The following ABLIM3 variants were observed in gnomAD, a reference collection of about 807,000 sequenced individuals.
The protein encoded by ABLIM3 is actin-binding LIM protein 3.
ABLIM3 carries 61 observed loss-of-function variants against 109.5 expected under a neutral mutation model. The observed-to-expected ratio is 0.56, with a 90% CI of 0.45 to 0.69. ABLIM3 has a LOEUF of 0.69. Among genes scored for constraint, ABLIM3 ranks in the 30% least tolerant of loss-of-function variants. The probability of loss-of-function intolerance (pLI) is 0.00; values close to 1 mark genes in which losing one functional copy is unlikely to be tolerated. For synonymous variants in ABLIM3, 300 were observed against 324.8 expected (o/e 0.92, Z 0.82); for missense variants, 796 against 889.5 (o/e 0.89, Z 1.34).
intron 14 of ABLIM3, among the ~76,000 whole-genome samples, chr5:149,241,837 T>C (rs1007626541): frequency 6.6e-6 from 1 of 152,184 alleles, no homozygotes; most frequent in African/African-American, 2.4e-5. Flanking sequence ...AGCACTATCA[T>C]GTCATGTGAC....
Position 149,227,479 on chromosome 5 carries a change from GTTTC to G in ABLIM3, c.758-3166_758-3163del, listed in dbSNP as rs1761428345. On this transcript the variant is annotated intron_variant, in intron 8 of 23. Coordinates refer to ENST00000309868, the MANE Select transcript of ABLIM3 (RefSeq NM_014945.5). ...GCTAGAGCTCTGCCTTATAAAATTG[GTTTC>G]TTTATCACATAACATTCCAAGAAAA... Among the ~76,000 whole-genome samples, 3 of 152,246 alleles carry G rather than the reference GTTTC, an allele frequency of 2.0e-5. No individual in the cohort carries two copies. The South Asian group carries it at 6.2e-4, about 32-fold the overall frequency.
chr5:149,170,337 G>A (rs1561548892), intron 2 of ABLIM3, among the ~76,000 whole-genome samples: 2 of 151,528 alleles, frequency 1.3e-5, no homozygotes, highest in Non-Finnish European at 1.5e-5. Flanking sequence ...TGGCAAAGGA[G>A]CCCCAGACTA....
intron 8 of ABLIM3, chr5:149,218,238 A>G (rs1018225619): frequency 6.6e-6 from 1 of 152,258 alleles, no homozygotes; most frequent in African/African-American, 2.4e-5. Flanking sequence ...TAGATTTGGT[A>G]TCTGATGTGG....
chr5:149,146,179 G>C (rs1460056609), intron 2 of ABLIM3, among the ~76,000 whole-genome samples: 2 of 152,096 alleles, frequency 1.3e-5, no homozygotes, highest in African/African-American at 4.8e-5. Context: ...TTTGCTTGTT[G>C]AATTGTTTAA....
At chr5:149,158,444 A>G (rs1334781990) in intron 2 of ABLIM3, among the ~76,000 whole-genome samples, 1 of 152,238 alleles carries the variant, frequency 6.6e-6, no homozygotes, top group African/African-American at 2.4e-5. Context: ...TTTATGTTAA[A>G]AAAGGAATCC....
At chr5:149,196,019 A>G (rs1459394257) in intron 3 of ABLIM3, among the ~76,000 whole-genome samples, 1 of 152,222 alleles carries the variant, frequency 6.6e-6, no homozygotes, top group Admixed American at 6.5e-5. Flanking sequence ...TCTGCGTACA[A>G]GTGAACAGAG....
Position 149,246,544 on chromosome 5 carries a change from A to G in ABLIM3, c.1549A>G (p.Lys517Glu). Reference sequence around the variant, plus strand: ...GGATGATTTTGACCGCAGCATGCACAAGGTGGGCAGAGACCACAGCACTGA... The same window carrying G: ...GGATGATTTTGACCGCAGCATGCACGAGGTGGGCAGAGACCACAGCACTGA... The part of the protein sequence containing the change: ...EEDDFDRSMH[K>E]LQSGIGRLIL... The change falls in exon 17 of 24, where the codon AAG (lysine) becomes GAG (glutamate). Residue 517 changes from lysine (K) to glutamate (E), a missense_variant and splice_region_variant. Lys to Glu is a moderately conservative substitution (Grantham distance 56). Transcript: ENST00000309868. 13 of 1,614,156 alleles carry G rather than the reference A, an allele frequency of 8.1e-6. No homozygotes were observed. Among genetic ancestry groups the G allele is most frequent in the Non-Finnish European group, 1.1e-5 (13 of 1,180,016 alleles).
intron 2 of ABLIM3, among the ~76,000 whole-genome samples, chr5:149,178,600 G>T (rs1230117631): frequency 6.6e-6 from 1 of 152,172 alleles, no homozygotes; most frequent in Admixed American, 6.5e-5. Context: ...TTATCTACAA[G>T]GTCAAGCGAC....
chr5:149,173,758 AC>A (rs1755660083), intron 2 of ABLIM3, among the ~76,000 whole-genome samples: 1 of 152,168 alleles, frequency 6.6e-6, no homozygotes, highest in African/African-American at 2.4e-5. Flanking sequence ...GCGGTGGCTC[AC>A]GCCTGTAATC....
rs1752731132 is a variant in ABLIM3 at position 149,240,697 on chromosome 5, C to T, written c.1226C>T (p.Ser409Phe). ...YRSGPESGRS[S>F]PYHSQLDVRS... ...CCAGGGCCCGAGAGTGGCCGGAGCT[C>T]TCCATACCATAGCCAGTTAGATGTG... Residue 409 changes from serine (S) to phenylalanine (F), a missense_variant, in exon 14 of 24, where the codon TCT becomes TTT. Physicochemically the swap from Ser to Phe is radical, Grantham distance 155 (BLOSUM62 -2). Coordinates refer to ENST00000309868, the MANE Select transcript of ABLIM3 (RefSeq NM_014945.5). 2 of 1,614,170 alleles carry T rather than the reference C, an allele frequency of 1.2e-6. No homozygotes were observed. Among genetic ancestry groups the T allele is most frequent in the Non-Finnish European group, 1.7e-6 (2 of 1,180,046 alleles).
chr5:149,239,110 G>T lies in ABLIM3; in HGVS notation c.1045-138G>T, dbSNP rs560798540. ...ACCCTCTGGAATTCCCAGCGAGGCT[G>T]TTATCTGGAGAGGGGTACAAAGGAA... On this transcript the variant is annotated intron_variant, in intron 11 of 23. Coordinates refer to ENST00000309868, the MANE Select transcript of ABLIM3 (RefSeq NM_014945.5). The T allele has an allele frequency of 1.5e-4, 123 of 802,430 alleles. No individual in the cohort carries two copies. The African/African-American group carries it at 2.0e-3, about 13-fold the overall frequency. The allele number at this position is 802,430 out of a possible 1,614,324, so 49.7% of individuals were successfully genotyped here.
At chr5:149,207,649 G>C (rs1202687037) in intron 6 of ABLIM3, among the ~76,000 whole-genome samples, 1 of 152,174 alleles carries the variant, frequency 6.6e-6, no homozygotes, top group African/African-American at 2.4e-5. Flanking sequence ...ACTCAGACTT[G>C]AGAGAGTAAA....
At position 149,247,754 on chromosome 5, in the gene ABLIM3, C is replaced by CT. The variant is rs762710737; in HGVS notation, c.1552-25dup. ...TCAGTGTCCTTTGTTTTCCTTCTAA[C>CT]TTTATCTTGCTCTTCCCCGACCCTC... On this transcript the variant is annotated intron_variant, in intron 17 of 23. Transcript: ENST00000309868. The CT allele has an allele frequency of 1.2e-5, 20 of 1,614,038 alleles. No homozygotes were observed. In the African/African-American group the frequency reaches 2.7e-4, roughly 22 times the overall value.
intron 2 of ABLIM3, among the ~76,000 whole-genome samples, chr5:149,179,510 G>A (rs1171341009): frequency 6.6e-6 from 1 of 151,998 alleles, no homozygotes; most frequent in Non-Finnish European, 1.5e-5. Flanking sequence ...ATGTGTAATT[G>A]GTTCCCATTG....
chr5:149,240,562 CCCAT>C (rs1752709073), intron 13 of ABLIM3, 110 bp from the exon 14 acceptor site: 2 of 812,146 alleles, frequency 2.5e-6, no homozygotes, highest in South Asian at 2.9e-5. Context: ...GACGCCCCAG[CCCAT>C]CCCCCATCTC....
intron 2 of ABLIM3, among the ~76,000 whole-genome samples, chr5:149,169,512 A>G (rs918329399): frequency 3.3e-5 from 5 of 152,184 alleles, no homozygotes; most frequent in Non-Finnish European, 5.9e-5. Flanking sequence ...AAATTAAATC[A>G]TTAGCAAAGG....
Position 149,198,155 on chromosome 5 carries a change from G to T in ABLIM3, c.152-64G>T. ...AGACACCAGCCTTTCCCCCAGCGAG[G>T]ACCTTCTGCTTACAGACCCTCCCTG... On this transcript the variant is annotated intron_variant, in intron 3 of 23. Transcript: ENST00000309868. This position sits in a 1 kb window ranked among gnomAD's most constrained non-coding sequence, Gnocchi z 4.2. 6.6e-7 allele frequency: 1 copy of T among 1,505,430 alleles called. No homozygotes were observed. The highest frequency in any genetic ancestry group is 1.4e-5 in the African/African-American group (1 of 72,042). 93.3% of individuals were successfully genotyped at this position (1,505,430 alleles called of 1,614,324 possible).
intron 13 of ABLIM3, 173 bp from the exon 14 acceptor site, chr5:149,240,503 G>T: frequency 1.7e-6 from 1 of 601,660 alleles, no homozygotes. Flanking sequence ...CTGCCAACGT[G>T]GTGCATGAGA....
At chr5:149,143,845 T>C (rs1276078640) in intron 2 of ABLIM3, among the ~76,000 whole-genome samples, 1 of 152,078 alleles carries the variant, frequency 6.6e-6, no homozygotes, top group Admixed American at 6.5e-5. Flanking sequence ...AAGATGTGAG[T>C]TGCCTGTCAC....
Sources: allele counts gnomAD v4.1 joint callset (sites outside exome capture counted in the v4.1 genomes callset), GRCh38; gene constraint gnomAD v4.1.1; non-coding constraint Gnocchi (gnomAD v3.1); transcripts MANE v1.5; gene names NCBI Gene and HGNC (gene_info 2026-07-23, HGNC 2026-07-21).